FBLN1: variants seen among roughly 807,000 people sequenced by gnomAD.
FBLN1 encodes fibulin-1.
In FBLN1, 34 loss-of-function variants were observed where a neutral mutation model predicts 89.7. That is an observed-to-expected ratio of 0.38 (90% CI 0.29 to 0.50). The LOEUF (loss-of-function observed/expected upper bound fraction) is 0.50. Among genes scored for constraint, FBLN1 ranks in the 20% least tolerant of loss-of-function variants. FBLN1 has a pLI of 0.92. For synonymous variants in FBLN1, 393 were observed against 391.3 expected (o/e 1.00, Z -0.05); for missense variants, 777 against 988.1 (o/e 0.79, Z 2.86).
rs2088785872 is a variant in FBLN1, at chr22:45,556,178, T to G, written c.1697+5563T>G. On this transcript the variant is annotated intron_variant, in intron 14 of 16. Transcript: ENST00000327858. The surrounding 1 kb of genome is among the most constrained non-coding windows in gnomAD (Gnocchi z 4.6). ...ACCCAGCTAATTTTTCTATTTTAAG[T>G]AGAGATGGGGTTTCACCATGTGGGT... 1.3e-5 allele frequency among the ~76,000 whole-genome samples: 2 copies of G among 152,176 alleles called. No individual in the cohort carries two copies. Among genetic ancestry groups the G allele is most frequent in the South Asian group, 4.1e-4 (2 of 4,834 alleles).
intron 12 of FBLN1, among the ~76,000 whole-genome samples, chr22:45,548,337 G>C (rs1478416331): frequency 2.0e-5 from 3 of 152,198 alleles, no homozygotes; most frequent in Non-Finnish European, 4.4e-5. Flanking sequence ...GCATGAGCCA[G>C]TGCACCCAGC....
chr22:45,583,825 A>G lies in FBLN1; in HGVS notation c.1972+6717A>G, dbSNP rs1201518350. 6.6e-6 allele frequency among the ~76,000 whole-genome samples: 1 copy of G among 151,932 alleles called. No individual in the cohort carries two copies. The highest frequency in any genetic ancestry group is 1.5e-5 in the Non-Finnish European group (1 of 67,972). ...GAATGAGAGAGAGAGACAGAGAGAG[A>G]CCTGTGGGACCAAAGCCTTTACTGG... On this transcript the variant is annotated intron_variant, in intron 16 of 16. Coordinates refer to ENST00000327858, the MANE Select transcript of FBLN1 (RefSeq NM_006486.3). This position sits in a 1 kb window ranked among gnomAD's most constrained non-coding sequence, Gnocchi z 4.5.
intron 10 of FBLN1, 88 bp downstream of exon 10, chr22:45,542,371 G>C: frequency 6.6e-7 from 1 of 1,526,228 alleles, no homozygotes; most frequent in Non-Finnish European, 9.0e-7. Flanking sequence ...GATGTGGTCT[G>C]ATCCTCATCT....
intron 8 of FBLN1, 163 bp downstream of exon 8, chr22:45,535,500 C>T (rs2088473075): frequency 6.4e-6 from 5 of 778,026 alleles, no homozygotes; most frequent in Non-Finnish European, 8.5e-6. Flanking sequence ...AATACTTTAG[C>T]CGTTGTGGGC....
intron 16 of FBLN1, among the ~76,000 whole-genome samples, chr22:45,584,550 A>C (rs1053620823): frequency 1.3e-5 from 2 of 152,160 alleles, no homozygotes; most frequent in East Asian, 3.8e-4. Flanking sequence ...GGCAAATTTC[A>C]TAACCTGTCT....
chr22:45,562,812 G>GGCCCCGCCTGCCA lies in FBLN1; in HGVS notation c.1698-11691_1698-11679dup, dbSNP rs990704631. On this transcript the variant is annotated intron_variant, in intron 14 of 16. Coordinates refer to ENST00000327858, the MANE Select transcript of FBLN1 (RefSeq NM_006486.3). This position sits in a 1 kb window ranked among gnomAD's most constrained non-coding sequence, Gnocchi z 7.8. ...TGAATCGGCCAGAGGGGCGGCGGGA[G>GGCCCCGCCTGCCA]GCCCCGCCTGCCAGCCCCGCATCCC... 8.5e-7 allele frequency: 1 copy of GGCCCCGCCTGCCA among 1,174,208 alleles called. No homozygotes were observed. Among genetic ancestry groups the GGCCCCGCCTGCCA allele is most frequent in the African/African-American group, 1.5e-5 (1 of 66,852 alleles). The allele number at this position is 1,174,208 out of a possible 1,614,324, so 72.7% of individuals were successfully genotyped here.
At position 45,537,381 on chromosome 22, in the gene FBLN1, G is replaced by GT. The variant is rs1437655626; in HGVS notation, c.922+2044_922+2045insT. Among the ~76,000 whole-genome samples the GT allele has an allele frequency of 1.3e-5, 2 of 152,156 alleles. No homozygotes were observed. Among genetic ancestry groups the GT allele is most frequent in the Non-Finnish European group, 2.9e-5 (2 of 68,016 alleles). On this transcript the variant is annotated intron_variant, in intron 8 of 16. Coordinates refer to ENST00000327858, the MANE Select transcript of FBLN1 (RefSeq NM_006486.3). The surrounding 1 kb of genome is among the most constrained non-coding windows in gnomAD (Gnocchi z 5.7). The stretch of plus-strand genomic sequence containing the variant: ...CGCCTGTAATTCTGGTACTTTGGGA[G>GT]GCCAAGGCGGGTGGATCACTTGAGG...
intron 1 of FBLN1, among the ~76,000 whole-genome samples, chr22:45,506,907 A>G (rs1240059568): frequency 6.6e-6 from 1 of 152,254 alleles, no homozygotes; most frequent in Non-Finnish European, 1.5e-5. Context: ...TTTTGCCAGC[A>G]TATTTTATAC....
chr22:45,573,511 T>TA (rs937319542), intron 14 of FBLN1, among the ~76,000 whole-genome samples: 19 of 146,766 alleles, frequency 1.3e-4, no homozygotes, highest in African/African-American at 2.8e-4. Context: ...CTGTCTCTAC[T>TA]AAAAAAAAAT....
At chr22:45,571,111 C>CAAAAAAAAA (rs542647353) in intron 14 of FBLN1, among the ~76,000 whole-genome samples, 175 of 70,732 alleles carry the variant, frequency 2.5e-3, no homozygotes, top group Non-Finnish European at 3.0e-3. Flanking sequence ...ACAAGAGTCT[C>CAAAAAAAAA]AAAAAAAAAA....
At position 45,550,067 on chromosome 22, in the gene FBLN1, G is replaced by A. The variant is rs1381639965; in HGVS notation, c.1574-425G>A. ...AGTGTATGGACTCTGATGCCAGCCT[G>A]CCCGGGTTCAAAGCTCAGCTCTGAC... On this transcript the variant is annotated intron_variant, in intron 13 of 16. Coordinates refer to ENST00000327858, the MANE Select transcript of FBLN1 (RefSeq NM_006486.3). The surrounding 1 kb of genome is among the most constrained non-coding windows in gnomAD (Gnocchi z 8.4). 6.6e-6 allele frequency among the ~76,000 whole-genome samples: 1 copy of A among 152,144 alleles called. No homozygotes were observed. The highest frequency in any genetic ancestry group is 1.5e-5 in the Non-Finnish European group (1 of 68,024).
intron 4 of FBLN1, among the ~76,000 whole-genome samples, chr22:45,529,124 G>C (rs2238814): frequency 0.15 from 23,524 of 152,198 alleles, 2,374 homozygotes; most frequent in African/African-American, 0.29. Context: ...TCTTGGGTGA[G>C]GGTCTGATGC....
intron 14 of FBLN1, chr22:45,558,009 G>C: frequency 1.4e-6 from 1 of 713,394 alleles, no homozygotes; most frequent in East Asian, 2.7e-5. Flanking sequence ...CTTTCGGGTG[G>C]TGCCTGCATA....
intron 14 of FBLN1, among the ~76,000 whole-genome samples, chr22:45,559,829 A>C (rs1426887214): frequency 1.3e-5 from 2 of 152,324 alleles, no homozygotes; most frequent in East Asian, 3.9e-4. Flanking sequence ...TTGGGGAAGG[A>C]TGGGAGAAAG....
At chr22:45,546,856 A>G (rs2088635046) in intron 11 of FBLN1, among the ~76,000 whole-genome samples, 1 of 152,174 alleles carries the variant, frequency 6.6e-6, no homozygotes, top group South Asian at 2.1e-4. Flanking sequence ...GATCGCTGCC[A>G]TCCTGGCAGG....
At position 45,581,552 on chromosome 22, in the gene FBLN1, G is replaced by A. The variant is rs2089042155; in HGVS notation, c.1972+4444G>A. 6.6e-6 allele frequency among the ~76,000 whole-genome samples: 1 copy of A among 152,180 alleles called. No individual in the cohort carries two copies. On this transcript the variant is annotated intron_variant, in intron 16 of 16. Transcript: ENST00000327858. This position sits in a 1 kb window ranked among gnomAD's most constrained non-coding sequence, Gnocchi z 7.6. ...AATGCCAACAGGAGCTACAGAGCCT[G>A]CAGGTGAAGTAATTCTTTGGCCTAC...
chr22:45,510,036 G>T (rs1041894094), intron 1 of FBLN1, among the ~76,000 whole-genome samples: 1 of 152,132 alleles, frequency 6.6e-6, no homozygotes, highest in Admixed American at 6.5e-5. Context: ...GGAAATTGAG[G>T]CTGGCTTCTG....
intron 2 of FBLN1, among the ~76,000 whole-genome samples, chr22:45,525,163 AAG>A (rs1455290466): frequency 1.4e-5 from 2 of 143,914 alleles, no homozygotes; most frequent in Non-Finnish European, 3.0e-5. Flanking sequence ...AAGAGAAGGA[AAG>A]AGAGAAAGGG....
In FBLN1 at chr22:45,578,133, C is replaced by CT. The variant is rs2089013313; in HGVS notation, c.1972+1025_1972+1026insT. 2 of 152,264 alleles carry CT rather than the reference C, an allele frequency of 1.3e-5. No individual in the cohort carries two copies. The highest frequency in any genetic ancestry group is 2.9e-5 in the Non-Finnish European group (2 of 68,038). 9.4% of individuals were successfully genotyped at this position (152,264 alleles called of 1,614,324 possible). A position where few individuals can be genotyped will look rare whatever the true frequency, so the allele number is the denominator to read the frequency against. ...GGAGTCCGGGAGGTCCTAACCAGAA[C>CT]CCACGAGCGTGCAGTGCGCACAGAG... On this transcript the variant is annotated intron_variant, in intron 16 of 16. Coordinates refer to ENST00000327858, the MANE Select transcript of FBLN1 (RefSeq NM_006486.3). This position sits in a 1 kb window ranked among gnomAD's most constrained non-coding sequence, Gnocchi z 4.6.
Sources: allele counts gnomAD v4.1 joint callset (sites outside exome capture counted in the v4.1 genomes callset), GRCh38; gene constraint gnomAD v4.1.1; non-coding constraint Gnocchi (gnomAD v3.1); transcripts MANE v1.5; gene names NCBI Gene and HGNC (gene_info 2026-07-23, HGNC 2026-07-21).